COPZ1: variants seen among roughly 807,000 people sequenced by gnomAD.
COPZ1 encodes coatomer subunit zeta-1.
In COPZ1, 4 loss-of-function variants were observed where a neutral mutation model predicts 31.7. The observed-to-expected ratio is 0.13, with a 90% CI of 0.06 to 0.29. The LOEUF (loss-of-function observed/expected upper bound fraction) is 0.29. Among genes scored for constraint, COPZ1 ranks in the 10% least tolerant of loss-of-function variants. COPZ1 has a pLI of 1.00. For synonymous variants in COPZ1, 74 were observed against 79.0 expected (o/e 0.94, Z 0.33); for missense variants, 156 against 211.5 (o/e 0.74, Z 1.63).
chr12:54,328,334 G>A (rs1953698282), intron 1 of COPZ1, among the ~76,000 whole-genome samples: 1 of 150,806 alleles, frequency 6.6e-6, no homozygotes, highest in South Asian at 2.1e-4. Flanking sequence ...CACTTTGGGA[G>A]GCCGAGGTGG....
intron 1 of COPZ1, among the ~76,000 whole-genome samples, chr12:54,336,684 GGA>G (rs1369023337): frequency 1.3e-5 from 2 of 151,574 alleles, no homozygotes; most frequent in African/African-American, 2.4e-5. Flanking sequence ...ATGCGCTAGG[GGA>G]GAGAGTTCTT....
rs181011829 is a variant in COPZ1, at chr12:54,337,998, C to T, written c.19-2549C>T. Among the ~76,000 whole-genome samples, 42 of 152,316 alleles carry T rather than the reference C, an allele frequency of 2.8e-4. No homozygotes were observed. The East Asian group carries it at 6.9e-3, about 25-fold the overall frequency. On this transcript the variant is annotated intron_variant, in intron 1 of 8. Transcript: ENST00000262061. ...TGTGGCTGTTGTAGGCACTCACACCCTGTTGGCCACAAAGGACATTGTCTG... is the reference window on the plus strand; with the variant it reads ...TGTGGCTGTTGTAGGCACTCACACCTTGTTGGCCACAAAGGACATTGTCTG...
chr12:54,346,615 A>G (rs775296155), intron 5 of COPZ1: 38 of 701,588 alleles, frequency 5.4e-5, no homozygotes, highest in Non-Finnish European at 5.5e-5. Context: ...TCTGTAGAAC[A>G]GGAAGCACCC....
chr12:54,339,588 C>A (rs796911007), intron 1 of COPZ1, among the ~76,000 whole-genome samples: 5 of 152,184 alleles, frequency 3.3e-5, no homozygotes, highest in African/African-American at 1.2e-4. Context: ...CTTAAGCAAT[C>A]CTCCTGCCTC....
At position 54,345,468 on chromosome 12, in the gene COPZ1, T is replaced by C. The variant is rs1244321157; in HGVS notation, c.270T>C (p.Leu90=). ...IGSSYENELM[L]MAVLNCLFDS... The stretch of plus-strand genomic sequence containing the variant: ...CCTCTGTTTCCCAACAGCTGATGCT[T>C]ATGGCTGTTCTGAACTGTCTCTTCG... Residue 90 remains leucine, a synonymous_variant, in exon 5 of 9, where the codon CTT becomes CTC. Coordinates refer to ENST00000262061, the MANE Select transcript of COPZ1 (RefSeq NM_016057.3). The C allele has an allele frequency of 5.0e-6, 8 of 1,613,150 alleles. No homozygotes were observed. The highest frequency in any genetic ancestry group is 1.3e-5 in the African/African-American group (1 of 74,906).
In COPZ1 at chr12:54,328,230, C is replaced by T. The variant is rs1264465822; in HGVS notation, c.18+3049C>T. On this transcript the variant is annotated intron_variant, in intron 1 of 8. Coordinates refer to ENST00000262061, the MANE Select transcript of COPZ1 (RefSeq NM_016057.3). ...GGCAGAGGTTGCAGTGAGCCGAGAT[C>T]GCGCCACTGCACTCCAGCCCAGGCG... Among the ~76,000 whole-genome samples, 8 of 134,996 alleles carry T rather than the reference C, an allele frequency of 5.9e-5. 1 individual carries two copies. Among genetic ancestry groups the T allele is most frequent in the Non-Finnish European group, 1.1e-4 (7 of 63,538 alleles). 88.6% of individuals were successfully genotyped at this position (134,996 alleles called of 152,430 possible).
Position 54,351,219 on chromosome 12 carries a change from C to A in COPZ1, c.*696C>A, listed in dbSNP as rs1954141867. ...CAAAACTGCAGTGGCGAGTGTCCAT[C>A]TCTTAGTTAGCTACCTTAACTGTCC... On this transcript the variant is annotated 3_prime_UTR_variant, in exon 9 of 9. Coordinates refer to ENST00000262061, the MANE Select transcript of COPZ1 (RefSeq NM_016057.3). 1 of 152,438 alleles carries A rather than the reference C, an allele frequency of 6.6e-6. No homozygotes were observed. The highest frequency in any genetic ancestry group is 6.5e-5 in the Admixed American group (1 of 15,290). The allele number at this position is 152,438 out of a possible 1,614,324, so 9.4% of individuals were successfully genotyped here.
intron 1 of COPZ1, among the ~76,000 whole-genome samples, chr12:54,331,661 CAG>C (rs1426303470): frequency 4.6e-5 from 7 of 152,240 alleles, no homozygotes; most frequent in East Asian, 1.9e-4. Flanking sequence ...AAAGATAACA[CAG>C]AGTCTGTCAA....
intron 1 of COPZ1, 77 bp downstream of exon 1, chr12:54,325,258 C>T (rs1953608055): frequency 6.6e-7 from 1 of 1,505,746 alleles, no homozygotes; most frequent in Non-Finnish European, 8.9e-7. Context: ...GAGTGGGAGA[C>T]GGGGAAAGAG....
intron 1 of COPZ1, chr12:54,325,741 G>A (rs948949346): frequency 6.6e-6 from 1 of 152,520 alleles, no homozygotes; most frequent in African/African-American, 2.4e-5. Context: ...AGTTAGCATG[G>A]ATTGTGGAAT....
intron 1 of COPZ1, among the ~76,000 whole-genome samples, chr12:54,332,875 A>G (rs956900043): frequency 9.2e-5 from 14 of 152,100 alleles, no homozygotes; most frequent in African/African-American, 2.9e-4. Context: ...TTTATCCAGC[A>G]TTACTGGATG....
At chr12:54,330,992 A>G (rs1449375938) in intron 1 of COPZ1, among the ~76,000 whole-genome samples, 1 of 152,122 alleles carries the variant, frequency 6.6e-6, no homozygotes, top group Non-Finnish European at 1.5e-5. Context: ...TGGGCAGAAT[A>G]GGTTTCCTTA....
At chr12:54,347,291 G>C (rs1051033014) in intron 5 of COPZ1, among the ~76,000 whole-genome samples, 2 of 152,226 alleles carry the variant, frequency 1.3e-5, no homozygotes, top group African/African-American at 4.8e-5. Flanking sequence ...TTCAGGGCCT[G>C]AGCAGAGCTG....
At chr12:54,343,151 C>T in intron 3 of COPZ1, 74 bp from the exon 4 acceptor site, 3 of 1,198,424 alleles carry the variant, frequency 2.5e-6, no homozygotes, top group Non-Finnish European at 3.7e-6. Flanking sequence ...GCCACTGCGC[C>T]TGGCTGGTAA....
At chr12:54,326,528 C>T (rs1374520606) in intron 1 of COPZ1, among the ~76,000 whole-genome samples, 3 of 149,342 alleles carry the variant, frequency 2.0e-5, no homozygotes, top group Non-Finnish European at 4.4e-5. Flanking sequence ...TATTAGCCCT[C>T]TTGTCCATAT....
In COPZ1 at chr12:54,325,138, C is replaced by T. The variant is rs373008312; in HGVS notation, c.-26C>T. 14 of 1,560,722 alleles carry T rather than the reference C, an allele frequency of 9.0e-6. No individual in the cohort carries two copies. The highest frequency in any genetic ancestry group is 1.2e-5 in the Non-Finnish European group (14 of 1,152,890). ...AGCGGCGGCGTTTCTTTTGCGGCTC[C>T]ACGTCGGCACCAGCTGCGGGGCAAG... On this transcript the variant is annotated 5_prime_UTR_variant, in exon 1 of 9. Coordinates refer to ENST00000262061, the MANE Select transcript of COPZ1 (RefSeq NM_016057.3).
At chr12:54,347,923 G>C in intron 6 of COPZ1, 77 bp from the exon 7 acceptor site, 1 of 1,604,386 alleles carries the variant, frequency 6.2e-7, no homozygotes, top group Non-Finnish European at 8.5e-7. Flanking sequence ...AGGCTCAGTG[G>C]CCAGAGGTCC....
At chr12:54,325,963 C>T (rs575655268) in intron 1 of COPZ1, among the ~76,000 whole-genome samples, 1 of 151,248 alleles carries the variant, frequency 6.6e-6, no homozygotes, top group African/African-American at 2.4e-5. Context: ...GGACTATAGG[C>T]GCGTGCCACC....
chr12:54,327,990 G>C (rs1953684749), intron 1 of COPZ1, among the ~76,000 whole-genome samples: 1 of 150,788 alleles, frequency 6.6e-6, no homozygotes, highest in African/African-American at 2.4e-5. Flanking sequence ...TATCTCTGTC[G>C]GGCGCAGTGC....
Sources: gnomAD v4.1 joint callset for allele counts (sites outside exome capture counted in the v4.1 genomes callset) on GRCh38, gnomAD v4.1.1 for gene constraint, MANE v1.5 for transcripts, NCBI Gene and HGNC (gene_info 2026-07-23, HGNC 2026-07-21) for gene names.